The following ASAP1 variants were observed in gnomAD, a reference collection of about 807,000 sequenced individuals.
The protein encoded by ASAP1 is ArfGAP with SH3 domain, ankyrin repeat and PH domain 1.
In ASAP1, 43 loss-of-function variants were observed where a neutral mutation model predicts 145.2. The observed-to-expected ratio is 0.30, with a 90% CI of 0.23 to 0.38. ASAP1 has a LOEUF of 0.38. Among genes scored for constraint, ASAP1 ranks in the 10% least tolerant of loss-of-function variants. The pLI is 1.00. For synonymous variants in ASAP1, 546 were observed against 515.5 expected (o/e 1.06, Z -0.80); for missense variants, 1,018 against 1,355.3 (o/e 0.75, Z 3.91).
chr8:130,093,174 A>T (rs1241951919), intron 24 of ASAP1, among the ~76,000 whole-genome samples: 1 of 152,198 alleles, frequency 6.6e-6, no homozygotes, highest in Non-Finnish European at 1.5e-5. Flanking sequence ...AATATTCCAC[A>T]TACACACAAA....
chr8:130,224,724 G>A (rs182301479), intron 4 of ASAP1, among the ~76,000 whole-genome samples: 15 of 152,060 alleles, frequency 9.9e-5, no homozygotes, highest in African/African-American at 2.7e-4. Flanking sequence ...TAATAAATAC[G>A]CCTGCTGAAA....
chr8:130,368,502 T>A (rs1040142926), intron 2 of ASAP1, among the ~76,000 whole-genome samples: 5 of 152,196 alleles, frequency 3.3e-5, no homozygotes, highest in Admixed American at 1.3e-4. Flanking sequence ...GTCAGTCATG[T>A]CTCTACTTTC....
chr8:130,182,192 T>C (rs1349793474), intron 7 of ASAP1, among the ~76,000 whole-genome samples: 3 of 152,250 alleles, frequency 2.0e-5, no homozygotes, highest in Non-Finnish European at 4.4e-5. Context: ...AACTTAATAA[T>C]AAGCCTTTCA....
At chr8:130,357,907 T>C (rs936897140) in intron 3 of ASAP1, 110 bp downstream of exon 3, 2 of 1,417,930 alleles carry the variant, frequency 1.4e-6, no homozygotes, top group African/African-American at 2.9e-5. Context: ...CCTGAGGGGG[T>C]GTGGCGCCCC....
intron 3 of ASAP1, among the ~76,000 whole-genome samples, chr8:130,356,832 G>T (rs1310680083): frequency 6.6e-6 from 1 of 152,102 alleles, no homozygotes; most frequent in Non-Finnish European, 1.5e-5. Context: ...AAGATGAGTC[G>T]GCCCACAGAA....
chr8:130,229,824 T>C (rs542712070), intron 4 of ASAP1, among the ~76,000 whole-genome samples: 2 of 152,256 alleles, frequency 1.3e-5, no homozygotes, highest in African/African-American at 4.8e-5. Context: ...GTGGATGGCT[T>C]GGGCCCAGGA....
At chr8:130,322,640 A>G (rs544165767) in intron 3 of ASAP1, among the ~76,000 whole-genome samples, 1 of 152,360 alleles carries the variant, frequency 6.6e-6, no homozygotes, top group East Asian at 1.9e-4. Context: ...ATATAATGCT[A>G]TCTGGATTCA....
intron 3 of ASAP1, among the ~76,000 whole-genome samples, chr8:130,318,176 G>C (rs551287984): frequency 1.2e-4 from 19 of 152,310 alleles, no homozygotes; most frequent in African/African-American, 4.3e-4. Flanking sequence ...TGACCGCCCA[G>C]GCTCAAGTAA....
In ASAP1 at chr8:130,262,438, GA is replaced by G. The variant is rs1565148968; in HGVS notation, c.187-25445del. The stretch of plus-strand genomic sequence containing the variant: ...AAAAAGAGAGAGAGAGAGAGAGAGA[GA>G]GAGAGAGAGAGAGAGAGAACCTGTG... On this transcript the variant is annotated intron_variant, in intron 3 of 29. Transcript: ENST00000518721. 6.8e-3 allele frequency among the ~76,000 whole-genome samples: 941 copies of G among 138,052 alleles called. 18 individuals carry two copies. The highest frequency in any genetic ancestry group is 0.012 in the Middle Eastern group (3 of 244). 90.6% of individuals were successfully genotyped at this position (138,052 alleles called of 152,430 possible). A position where few individuals can be genotyped will look rare whatever the true frequency, so the allele number is the denominator to read the frequency against.
intron 7 of ASAP1, among the ~76,000 whole-genome samples, chr8:130,184,210 A>T (rs527934280): frequency 4.1e-4 from 63 of 152,356 alleles, no homozygotes; most frequent in South Asian, 1.2e-3. Context: ...GTAAACACTG[A>T]AACTAGTTTA....
chr8:130,406,496 CAG>C (rs1419192168), intron 1 of ASAP1, among the ~76,000 whole-genome samples: 2 of 145,600 alleles, frequency 1.4e-5, no homozygotes, highest in African/African-American at 2.6e-5. Flanking sequence ...TTTTTTGAGA[CAG>C]AGTCTCGCTG....
intron 1 of ASAP1, among the ~76,000 whole-genome samples, chr8:130,439,041 T>C (rs193036399): frequency 4.4e-4 from 67 of 152,262 alleles, no homozygotes; most frequent in African/African-American, 1.1e-3. Context: ...GACCTTAAAA[T>C]AGGGAGAGTA....
chr8:130,414,013 G>C (rs1191254063), intron 1 of ASAP1, among the ~76,000 whole-genome samples: 1 of 152,086 alleles, frequency 6.6e-6, no homozygotes, highest in African/African-American at 2.4e-5. Context: ...ATGATTGCTG[G>C]TACCTGCAAG....
intron 4 of ASAP1, among the ~76,000 whole-genome samples, chr8:130,218,870 T>C (rs1586618747): frequency 6.6e-6 from 1 of 151,984 alleles, no homozygotes; most frequent in South Asian, 2.1e-4. Context: ...TATATGCATA[T>C]GTATGTATGT....
At chr8:130,074,104 A>G (rs1026940516) in intron 27 of ASAP1, among the ~76,000 whole-genome samples, 9 of 151,600 alleles carry the variant, frequency 5.9e-5, no homozygotes, top group Non-Finnish European at 1.2e-4. Flanking sequence ...TTATTCAAAC[A>G]AACAAGTTCT....
intron 2 of ASAP1, among the ~76,000 whole-genome samples, chr8:130,391,904 C>G (rs1179702931): frequency 6.6e-6 from 1 of 152,260 alleles, no homozygotes; most frequent in South Asian, 2.1e-4. Context: ...ATCACCAGAA[C>G]CCCTGGAAAG....
At chr8:130,313,957 C>T (rs983082442) in intron 3 of ASAP1, among the ~76,000 whole-genome samples, 5 of 152,230 alleles carry the variant, frequency 3.3e-5, no homozygotes, top group Non-Finnish European at 5.9e-5. Flanking sequence ...TTCCCTCACA[C>T]ACAATTTGCT....
At chr8:130,394,297 T>C (rs1273559159) in intron 2 of ASAP1, among the ~76,000 whole-genome samples, 1 of 152,118 alleles carries the variant, frequency 6.6e-6, no homozygotes, top group Non-Finnish European at 1.5e-5. Context: ...CCCCTGAGGG[T>C]AGGTCTCTGA....
intron 11 of ASAP1, among the ~76,000 whole-genome samples, chr8:130,166,686 T>G (rs1353251522): frequency 1.3e-5 from 2 of 152,078 alleles, no homozygotes; most frequent in African/African-American, 4.8e-5. Flanking sequence ...GCTTAGTACC[T>G]AGAACTGTGC....
Sources: gnomAD v4.1 joint callset for allele counts (sites outside exome capture counted in the v4.1 genomes callset) on GRCh38, gnomAD v4.1.1 for gene constraint, MANE v1.5 for transcripts, NCBI Gene and HGNC (gene_info 2026-07-23, HGNC 2026-07-21) for gene names.